Variants in PCDH15 observed in about 807,000 individuals in gnomAD.
PCDH15 encodes the protein protocadherin-15.
A neutral mutation model predicts 178.5 loss-of-function variants in PCDH15; 129 were observed. The observed-to-expected ratio is 0.72, with a 90% CI of 0.63 to 0.84. PCDH15 has a LOEUF of 0.84. Ranked by LOEUF, PCDH15 falls within the 40% of genes least tolerant of loss-of-function variation. The pLI is 0.00. For missense variants in PCDH15, 2,230 were observed against 2,099.9 expected, an observed-to-expected ratio of 1.06 and a Z score of -1.21; for synonymous variants, 800 against 732.0, an observed-to-expected ratio of 1.09 and a Z score of -1.50.
intron 18 of PCDH15, among the ~76,000 whole-genome samples, chr10:54,025,836 C>T (rs375502734): frequency 3.3e-5 from 5 of 152,060 alleles, no homozygotes; most frequent in African/African-American, 1.2e-4. Context: ...TGGTCAAGCC[C>T]CTCACATTTT....
At chr10:55,244,957 A>G (rs1841646826) in intron 1 of PCDH15, among the ~76,000 whole-genome samples, 1 of 152,052 alleles carries the variant, frequency 6.6e-6, no homozygotes, top group African/African-American at 2.4e-5. Flanking sequence ...CCTTAAATAA[A>G]TGATACAAAT....
At chr10:54,584,271 G>A (rs1386721763) in intron 2 of PCDH15, among the ~76,000 whole-genome samples, 14 of 152,034 alleles carry the variant, frequency 9.2e-5, no homozygotes, top group Admixed American at 8.5e-4. Context: ...GTGCCCACCT[G>A]TAGTCCTAGA....
At chr10:54,077,036 CT>C (rs928990457) in intron 17 of PCDH15, among the ~76,000 whole-genome samples, 6 of 152,024 alleles carry the variant, frequency 3.9e-5, no homozygotes, top group African/African-American at 1.4e-4. Context: ...TATATAATCA[CT>C]TTTTTTCTTC....
chr10:53,864,636 C>G (rs776458759), intron 27 of PCDH15, among the ~76,000 whole-genome samples: 1 of 152,022 alleles, frequency 6.6e-6, no homozygotes, highest in South Asian at 2.1e-4. Flanking sequence ...TGTAACCAGG[C>G]CCTTGAGTCA....
chr10:54,968,312 C>G (rs1282298786), intron 2 of PCDH15, among the ~76,000 whole-genome samples: 1 of 152,088 alleles, frequency 6.6e-6, no homozygotes, highest in East Asian at 1.9e-4. Flanking sequence ...CCCTGCAGTT[C>G]TAACAGATGT....
In PCDH15 at chr10:54,923,883, C is replaced by T. The variant is rs1388629977; in HGVS notation, c.-79-26383G>A. 1.4e-5 allele frequency among the ~76,000 whole-genome samples: 2 copies of T among 138,026 alleles called. 1 individual carries two copies. Among genetic ancestry groups the T allele is most frequent in the African/African-American group, 5.0e-5 (2 of 39,922 alleles). The allele number at this position is 138,026 out of a possible 152,430, so 90.6% of individuals were successfully genotyped here. On this transcript the variant is annotated intron_variant, in intron 2 of 5. Transcript: ENST00000458638. ...AGCCCTCCAAACGATTCCAACCTCT[C>T]ACCATTACCCAGTTCAAAAGATGCT...
At chr10:55,016,096 TTTAAAA>T (rs746459038) in intron 2 of PCDH15, among the ~76,000 whole-genome samples, 7 of 71,318 alleles carry the variant, frequency 9.8e-5, no homozygotes, top group African/African-American at 2.7e-4. Flanking sequence ...ACCTTTTTTT[TTTAAAA>T]AAAAAAAAAA....
chr10:55,370,092 T>G (rs533035527), intron 2 of PCDH15, among the ~76,000 whole-genome samples: 64 of 152,224 alleles, frequency 4.2e-4, no homozygotes, highest in African/African-American at 1.5e-3. Context: ...AGTCTGTAAG[T>G]AACCAAAGAA....
intron 10 of PCDH15, among the ~76,000 whole-genome samples, chr10:54,203,947 T>C (rs1225884128): frequency 6.6e-6 from 1 of 152,222 alleles, no homozygotes; most frequent in Non-Finnish European, 1.5e-5. Context: ...GGCTAAATTA[T>C]ATATCCTGTC....
chr10:54,717,042 A>C (rs1374659831), intron 1 of PCDH15, among the ~76,000 whole-genome samples: 2 of 148,780 alleles, frequency 1.3e-5, no homozygotes, highest in Non-Finnish European at 3.0e-5. Context: ...GGTGCTGGGA[A>C]AACTGGCTAG....
intron 14 of PCDH15, among the ~76,000 whole-genome samples, chr10:54,146,053 T>C (rs1447117359): frequency 6.6e-6 from 1 of 152,010 alleles, no homozygotes. Context: ...TTTACTTGTT[T>C]TATATTTCTA....
intron 1 of PCDH15, among the ~76,000 whole-genome samples, chr10:54,740,821 G>A (rs1944696975): frequency 6.6e-6 from 1 of 151,808 alleles, no homozygotes; most frequent in Non-Finnish European, 1.5e-5. Context: ...TAAAAAACTT[G>A]GTCTTCTGGA....
At chr10:54,810,720 G>C (rs1952849832) in intron 3 of PCDH15, among the ~76,000 whole-genome samples, 1 of 151,962 alleles carries the variant, frequency 6.6e-6, no homozygotes, top group Non-Finnish European at 1.5e-5. Flanking sequence ...AAATATGAGA[G>C]CTAATTTTAT....
At chr10:55,299,561 C>A (rs1344967903) in intron 1 of PCDH15, among the ~76,000 whole-genome samples, 1 of 152,138 alleles carries the variant, frequency 6.6e-6, no homozygotes, top group East Asian at 1.9e-4. Flanking sequence ...TCTAATTCGC[C>A]AAGCTTTGGC....
intron 5 of PCDH15, among the ~76,000 whole-genome samples, chr10:54,356,940 G>A (rs553983473): frequency 2.1e-4 from 32 of 152,128 alleles, no homozygotes; most frequent in African/African-American, 6.5e-4. Context: ...TGCAGAAAAG[G>A]CCTTTGACAA....
chr10:54,262,196 G>A (rs1046569674), intron 8 of PCDH15, among the ~76,000 whole-genome samples: 2 of 152,038 alleles, frequency 1.3e-5, no homozygotes, highest in Non-Finnish European at 2.9e-5. Flanking sequence ...TTTGTTGTGC[G>A]GTGCAGCTGC....
intron 2 of PCDH15, among the ~76,000 whole-genome samples, chr10:54,631,449 C>T (rs2093697988): frequency 6.6e-6 from 1 of 152,158 alleles, no homozygotes; most frequent in African/African-American, 2.4e-5. Context: ...TGGTTATACA[C>T]TCTAGGTTTG....
chr10:55,422,773 G>T (rs1178260643), intron 2 of PCDH15, among the ~76,000 whole-genome samples: 1 of 151,832 alleles, frequency 6.6e-6, no homozygotes, highest in South Asian at 2.1e-4. Context: ...GGAAGACAGA[G>T]AATTGAATTC....
chr10:55,118,214 G>T (rs893182372), intron 2 of PCDH15, among the ~76,000 whole-genome samples: 1 of 152,118 alleles, frequency 6.6e-6, no homozygotes, highest in African/African-American at 2.4e-5. Flanking sequence ...ACTGAGAAAG[G>T]CCATAGGGCT....
Sources: gnomAD v4.1 joint callset for allele counts (sites outside exome capture counted in the v4.1 genomes callset) on GRCh38, gnomAD v4.1.1 for gene constraint, MANE v1.5 for transcripts, NCBI Gene and HGNC (gene_info 2026-07-23, HGNC 2026-07-21) for gene names.